The following DMD variants were observed in gnomAD, a reference collection of about 807,000 sequenced individuals.
The protein encoded by DMD is mutant dystrophin.
DMD carries 63 observed loss-of-function variants against 330.1 expected under a neutral mutation model. The observed-to-expected ratio is 0.19, with a 90% CI of 0.16 to 0.24. DMD has a LOEUF of 0.24. Among genes scored for constraint, DMD ranks in the 10% least tolerant of loss-of-function variants. The probability of loss-of-function intolerance (pLI) is 1.00; values close to 1 mark genes in which losing one functional copy is unlikely to be tolerated. For missense variants in DMD, 3,344 were observed against 2,684.1 expected, an observed-to-expected ratio of 1.25 and a Z score of -5.43; for synonymous variants, 1,223 against 959.8, an observed-to-expected ratio of 1.27 and a Z score of -5.07.
At chrX:32,837,995 T>C (rs147398304) in intron 4 of DMD, among the ~76,000 whole-genome samples, 2,076 of 112,072 alleles carry the variant, frequency 0.019, 46 homozygotes, top group African/African-American at 0.062. Context: ...TACTATGCTT[T>C]AGTGTTGAGA....
chrX:32,380,421 A>G, intron 34 of DMD, 89 bp downstream of exon 34: 1 of 833,805 alleles, frequency 1.2e-6, no homozygotes, highest in Non-Finnish European at 1.8e-6. Flanking sequence ...TTATAATGCT[A>G]TTATTGCTAC....
At chrX:33,088,712 G>C (rs1480091406) in intron 1 of DMD, among the ~76,000 whole-genome samples, 2 of 111,318 alleles carry the variant, frequency 1.8e-5, no homozygotes, top group Non-Finnish European at 3.8e-5. Context: ...TTAATTACCA[G>C]ATGACATATT....
rs1055222991 is a variant in DMD, at chrX:32,046,238, C to T, written c.6439-77724G>A. On this transcript the variant is annotated intron_variant, in intron 44 of 78. Coordinates refer to ENST00000357033, the MANE Select transcript of DMD (RefSeq NM_004006.3). ...CTATGTTATAGTTGTCCACATAGAACTAATATAATGTACTGGGTAGAAAGT... is the reference window on the plus strand; with the variant it reads ...CTATGTTATAGTTGTCCACATAGAATTAATATAATGTACTGGGTAGAAAGT... Among the ~76,000 whole-genome samples the T allele has an allele frequency of 4.4e-5, 5 of 112,399 alleles. No individual in the cohort carries two copies. The Admixed American group carries it at 4.7e-4, about 11-fold the overall frequency.
Position 31,881,064 on chromosome X carries a change from A to C in DMD, c.6913-5691T>G, listed in dbSNP as rs113828523. On this transcript the variant is annotated intron_variant, in intron 47 of 78. Transcript: ENST00000357033. ...AGGCTCATGTGCGTGTTTGTGTTTT[A>C]CTTTTTAACAGAAAAGCTTAAACAG... is the stretch of plus-strand genomic sequence containing the variant. Among the ~76,000 whole-genome samples the C allele has an allele frequency of 8.1e-3, 902 of 111,381 alleles. 14 individuals carry two copies. Among genetic ancestry groups the C allele is most frequent in the African/African-American group, 0.028 (847 of 30,675 alleles).
intron 60 of DMD, among the ~76,000 whole-genome samples, chrX:31,359,175 A>G (rs1022008444): frequency 8.9e-6 from 1 of 112,640 alleles, no homozygotes; most frequent in Non-Finnish European, 1.9e-5. Context: ...ATATTTACAA[A>G]TAAGCATAAT....
At chrX:33,118,898 A>T (rs149540209) in intron 1 of DMD, among the ~76,000 whole-genome samples, 1,404 of 111,965 alleles carry the variant, frequency 0.013, 18 homozygotes, top group African/African-American at 0.043. Flanking sequence ...GGCCTTTCTC[A>T]GCATGCTTCT....
At chrX:32,247,221 G>A (rs770948864) in intron 43 of DMD, among the ~76,000 whole-genome samples, 202 of 111,589 alleles carry the variant, frequency 1.8e-3, no homozygotes, top group African/African-American at 6.1e-3. Flanking sequence ...CAACATTTGC[G>A]AATCTTGTTT....
intron 44 of DMD, among the ~76,000 whole-genome samples, chrX:32,127,103 G>T (rs1286889526): frequency 1.8e-5 from 2 of 111,443 alleles, no homozygotes; most frequent in Admixed American, 1.9e-4. Context: ...CCAAACCCTT[G>T]CACTAAGACT....
At chrX:32,283,385 C>G (rs1256405828) in intron 43 of DMD, among the ~76,000 whole-genome samples, 1 of 111,837 alleles carries the variant, frequency 8.9e-6, no homozygotes, top group Non-Finnish European at 1.9e-5. Flanking sequence ...GCCCTTCTTA[C>G]TAGCTCAAAT....
At chrX:31,835,372 A>T (rs948756590) in intron 49 of DMD, among the ~76,000 whole-genome samples, 4 of 112,024 alleles carry the variant, frequency 3.6e-5, no homozygotes, top group Non-Finnish European at 5.6e-5. Flanking sequence ...AAGTCACCAT[A>T]TTAACTGCTC....
intron 16 of DMD, among the ~76,000 whole-genome samples, chrX:32,557,077 G>T (rs1488064680): frequency 9.0e-6 from 1 of 111,347 alleles, no homozygotes; most frequent in Non-Finnish European, 1.9e-5. Flanking sequence ...TTTAATAAAT[G>T]GTAGCTATTA....
intron 7 of DMD, among the ~76,000 whole-genome samples, chrX:32,780,241 C>G (rs2074584723): frequency 8.9e-6 from 1 of 112,211 alleles, no homozygotes; most frequent in Non-Finnish European, 1.9e-5. Flanking sequence ...TACACAATCT[C>G]TCTACAACTT....
At chrX:31,748,710 C>T in intron 51 of DMD, among the ~76,000 whole-genome samples, 1 of 111,659 alleles carries the variant, frequency 9.0e-6, no homozygotes, top group Non-Finnish European at 1.9e-5. Context: ...AGGAAAAGCA[C>T]AATATATATT....
At chrX:32,287,805 G>A in intron 42 of DMD, 104 bp from the exon 43 acceptor site, 3 of 556,979 alleles carry the variant, frequency 5.4e-6, no homozygotes, top group Non-Finnish European at 8.0e-6. Context: ...AAATGGTGTT[G>A]CAATTCTTAA....
At chrX:31,822,721 G>A (rs1299917262) in intron 49 of DMD, among the ~76,000 whole-genome samples, 5 of 70,858 alleles carry the variant, frequency 7.1e-5, no homozygotes, top group African/African-American at 2.3e-4. Context: ...GCCTTTGATA[G>A]TTGAGATTTT....
At chrX:31,751,189 G>A (rs997238327) in intron 51 of DMD, among the ~76,000 whole-genome samples, 6 of 109,752 alleles carry the variant, frequency 5.5e-5, no homozygotes, top group Non-Finnish European at 1.1e-4. Context: ...GCATCGCCAA[G>A]TCAATCCTAA....
At chrX:32,207,229 C>A (rs1278496024) in intron 44 of DMD, among the ~76,000 whole-genome samples, 1 of 110,407 alleles carries the variant, frequency 9.1e-6, no homozygotes, top group African/African-American at 3.3e-5. Context: ...GGGGTGGGAG[C>A]TTTAGGAGGT....
At chrX:33,089,064 ATT>A (rs747108325) in intron 1 of DMD, among the ~76,000 whole-genome samples, 15 of 86,452 alleles carry the variant, frequency 1.7e-4, no homozygotes, top group African/African-American at 4.2e-4. Context: ...TACTCAATTC[ATT>A]TTTTTTTTTT....
intron 57 of DMD, among the ~76,000 whole-genome samples, chrX:31,483,249 T>C (rs1278317002): frequency 4.6e-5 from 5 of 108,733 alleles, no homozygotes; most frequent in South Asian, 8.1e-4. Context: ...GGTTTCACCG[T>C]GTTAGCCAGG....
Sources: gnomAD v4.1 joint callset for allele counts (sites outside exome capture counted in the v4.1 genomes callset) on GRCh38, gnomAD v4.1.1 for gene constraint, MANE v1.5 for transcripts, NCBI Gene and HGNC (gene_info 2026-07-23, HGNC 2026-07-21) for gene names.